RALGAPA1: variants seen among roughly 807,000 people sequenced by gnomAD.
The protein encoded by RALGAPA1 is Ral GTPase activating protein catalytic subunit alpha 1, also known as ral GTPase-activating protein subunit alpha-1.
In RALGAPA1, 52 loss-of-function variants were observed where a neutral mutation model predicts 269.6. That is an observed-to-expected ratio of 0.19 (90% CI 0.15 to 0.24). The LOEUF (loss-of-function observed/expected upper bound fraction) is 0.24, where lower values mean the gene tolerates loss of function less well. RALGAPA1 is among the 10% of genes least tolerant of loss of function. The pLI is 1.00. For missense variants in RALGAPA1, 1,917 were observed against 3,013.9 expected (o/e 0.64, Z 8.52); for synonymous variants, 817 against 1,008.3 (o/e 0.81, Z 3.60).
At chr14:35,650,397 T>G (rs375674686) in intron 31 of RALGAPA1, among the ~76,000 whole-genome samples, 3 of 151,950 alleles carry the variant, frequency 2.0e-5, no homozygotes, top group East Asian at 1.9e-4. Flanking sequence ...CAAAAAAATG[T>G]TAAAAATTTA....
Position 35,689,596 on chromosome 14 carries a change from G to A in RALGAPA1, c.2815C>T (p.Leu939Phe). The A allele has an allele frequency of 8.1e-7, 1 of 1,241,272 alleles. No homozygotes were observed. The highest frequency in any genetic ancestry group is 1.0e-6 in the Non-Finnish European group (1 of 994,086). The allele number at this position is 1,241,272 out of a possible 1,614,324, so 76.9% of individuals were successfully genotyped here. ...QYIDLEGDDDLLSTLKEYFKE... is the reference protein window; with the variant it reads ...QYIDLEGDDDFLSTLKEYFKE... ...AAATATTCTTTCAGGGTGGAAAGAAGATCATCATCTCCTTCAAGGTCAATG... is the reference window on the plus strand; with the variant it reads ...AAATATTCTTTCAGGGTGGAAAGAAAATCATCATCTCCTTCAAGGTCAATG... The change falls in exon 18 of 42, where the codon CTT (leucine) becomes TTT (phenylalanine). Residue 939 changes from leucine (L) to phenylalanine (F), a missense_variant. This residue lies in a region of RALGAPA1 where 615 missense variants were observed against 790.0 expected (regional missense o/e 0.78). Coordinates refer to ENST00000680220, the MANE Select transcript of RALGAPA1 (RefSeq NM_001346249.2).
Position 35,657,640 on chromosome 14 carries a change from G to A in RALGAPA1, c.5387+1498C>T, listed in dbSNP as rs113446363. On this transcript the variant is annotated intron_variant, in intron 28 of 41. Transcript: ENST00000680220. Reference sequence around the variant, plus strand: ...TCCAGGTCTACCTCTAGACAGCTACGTTTTAGGCTTCCACATTCTTCCACT... The same window carrying A: ...TCCAGGTCTACCTCTAGACAGCTACATTTTAGGCTTCCACATTCTTCCACT... Among the ~76,000 whole-genome samples the A allele has an allele frequency of 6.9e-4, 104 of 150,238 alleles. 1 individual carries two copies. Among genetic ancestry groups the A allele is most frequent in the African/African-American group, 2.2e-3 (89 of 40,822 alleles).
At chr14:35,737,693 AG>A (rs2071130657) in intron 12 of RALGAPA1, among the ~76,000 whole-genome samples, 1 of 129,950 alleles carries the variant, frequency 7.7e-6, no homozygotes. Flanking sequence ...CAGGAGGCAG[AG>A]GTTGCAGTGA....
chr14:35,605,377 T>C (rs896229588), intron 36 of RALGAPA1, among the ~76,000 whole-genome samples: 3 of 152,174 alleles, frequency 2.0e-5, no homozygotes, highest in African/African-American at 7.2e-5. Context: ...TTTCACAATA[T>C]ACTGTCTCAT....
chr14:35,587,992 C>T (rs573947437), intron 37 of RALGAPA1, among the ~76,000 whole-genome samples: 119 of 152,274 alleles, frequency 7.8e-4, no homozygotes, highest in Non-Finnish European at 1.0e-3. Context: ...CTGCAACCTC[C>T]GCCTCCTGGG....
At chr14:35,632,065 AG>A (rs2061391647) in intron 33 of RALGAPA1, among the ~76,000 whole-genome samples, 1 of 152,182 alleles carries the variant, frequency 6.6e-6, no homozygotes, top group Admixed American at 6.5e-5. Context: ...TCTCAGATGT[AG>A]GTAAAGCATT....
intron 31 of RALGAPA1, among the ~76,000 whole-genome samples, chr14:35,645,632 G>GA (rs1419057880): frequency 4.6e-5 from 7 of 151,600 alleles, no homozygotes; most frequent in South Asian, 2.1e-4. Flanking sequence ...TCGGGAGGCT[G>GA]GGCAGGAGAA....
chr14:35,629,453 C>G (rs1348316483), intron 33 of RALGAPA1, among the ~76,000 whole-genome samples: 1 of 151,972 alleles, frequency 6.6e-6, no homozygotes, highest in Non-Finnish European at 1.5e-5. Flanking sequence ...AACACCAGGG[C>G]CTGTCAGAAC....
At chr14:35,792,934 A>G (rs1234314512) in intron 1 of RALGAPA1, among the ~76,000 whole-genome samples, 1 of 151,872 alleles carries the variant, frequency 6.6e-6, no homozygotes, top group East Asian at 1.9e-4. Context: ...AAGCTGCTGC[A>G]AAAGTTCAAG....
intron 35 of RALGAPA1, among the ~76,000 whole-genome samples, chr14:35,617,748 G>A (rs1594833792): frequency 6.7e-6 from 1 of 148,760 alleles, no homozygotes; most frequent in Admixed American, 6.8e-5. Flanking sequence ...TAAGAAAAAG[G>A]AAATAAACTT....
At chr14:35,787,357 T>C (rs1317201119) in intron 1 of RALGAPA1, among the ~76,000 whole-genome samples, 3 of 152,098 alleles carry the variant, frequency 2.0e-5, no homozygotes, top group South Asian at 2.1e-4. Context: ...CTAAGAACAA[T>C]TGATGGAAAA....
chr14:35,633,098 T>C lies in RALGAPA1; in HGVS notation c.5995+1476A>G, dbSNP rs151137218. Among the ~76,000 whole-genome samples the C allele has an allele frequency of 3.3e-5, 5 of 152,310 alleles. No homozygotes were observed. The East Asian group carries it at 7.7e-4, about 23-fold the overall frequency. ...ATCTTTTCCTTTGCTTCTTTTACAG[T>C]GACTGATATTGGCACAGTAAATTTT... On this transcript the variant is annotated intron_variant, in intron 33 of 41. Coordinates refer to ENST00000680220, the MANE Select transcript of RALGAPA1 (RefSeq NM_001346249.2).
Position 35,686,631 on chromosome 14 carries a change from G to C in RALGAPA1, c.3988C>G (p.Leu1330Val), listed in dbSNP as rs146947683. 35 of 1,602,390 alleles carry C rather than the reference G, an allele frequency of 2.2e-5. No homozygotes were observed. In the African/African-American group the frequency reaches 4.5e-4, roughly 21 times the overall value. The change falls in exon 19 of 42, where the codon CTT becomes GTT. Residue 1330 changes from leucine (L) to valine (V), a missense_variant. Physicochemically the swap from Leu to Val is conservative, Grantham distance 32. Around this residue, in one of 11 missense-constraint regions of RALGAPA1, gnomAD observed 615 missense variants for 790.0 expected, o/e 0.78. Transcript: ENST00000680220. Reference sequence around the variant, plus strand: ...CTGCTGCCGCCAATATCACTATTAAGAGGAGGCAGTTTTTGGCTCATGTCC... The same window carrying C: ...CTGCTGCCGCCAATATCACTATTAACAGGAGGCAGTTTTTGGCTCATGTCC... Reference protein sequence around the residue: ...KEDMSQKLPPLNSDIGGSSAN... With the variant: ...KEDMSQKLPPVNSDIGGSSAN...
chr14:35,763,489 A>C (rs1310349773), intron 4 of RALGAPA1, among the ~76,000 whole-genome samples: 1 of 150,650 alleles, frequency 6.6e-6, no homozygotes, highest in Non-Finnish European at 1.5e-5. Flanking sequence ...CATAAAAAAT[A>C]ATATAAACTG....
intron 16 of RALGAPA1, among the ~76,000 whole-genome samples, chr14:35,719,298 T>A (rs897761572): frequency 1.3e-5 from 2 of 152,130 alleles, no homozygotes; most frequent in Non-Finnish European, 1.5e-5. Flanking sequence ...TGCACTCTAG[T>A]TTGGGTGACT....
chr14:35,729,492 T>G (rs1315203375), intron 12 of RALGAPA1, among the ~76,000 whole-genome samples: 2 of 152,130 alleles, frequency 1.3e-5, no homozygotes, highest in African/African-American at 4.8e-5. Flanking sequence ...ATCCCATGGA[T>G]CTGAGGGGCC....
In RALGAPA1 at chr14:35,693,856, G is replaced by A. The variant is rs1229817251; in HGVS notation, c.2408-3853C>T. On this transcript the variant is annotated intron_variant, in intron 17 of 41. Transcript: ENST00000680220. ...TCAATTATTTCTAGATTAAAAAACC[G>A]GTTTTTTCCCGGAAATATTTTGTTC... Among the ~76,000 whole-genome samples, 8 of 151,870 alleles carry A rather than the reference G, an allele frequency of 5.3e-5. No individual in the cohort carries two copies. In the East Asian group the frequency reaches 5.8e-4, roughly 11 times the overall value.
intron 39 of RALGAPA1, 68 bp downstream of exon 39, chr14:35,570,549 T>A (rs2057102593): frequency 7.9e-7 from 1 of 1,271,298 alleles, no homozygotes; most frequent in African/African-American, 1.5e-5. Flanking sequence ...TAACAATATA[T>A]AAGAAATATT....
At chr14:35,659,659 G>C (rs1470052598) in intron 27 of RALGAPA1, among the ~76,000 whole-genome samples, 1 of 151,408 alleles carries the variant, frequency 6.6e-6, no homozygotes, top group Non-Finnish European at 1.5e-5. Flanking sequence ...GTCAGACAAA[G>C]GCATTACCAG....
Sources: gnomAD v4.1 joint callset for allele counts (sites outside exome capture counted in the v4.1 genomes callset) on GRCh38, gnomAD v4.1.1 for gene constraint, gnomAD v4.1.1 regional missense constraint, MANE v1.5 for transcripts, NCBI Gene and HGNC (gene_info 2026-07-23, HGNC 2026-07-21) for gene names.